Variants in ATRNL1 observed in about 807,000 individuals in gnomAD.
The protein encoded by ATRNL1 is attractin like 1.
ATRNL1 carries 95 observed loss-of-function variants against 182.7 expected under a neutral mutation model. The observed-to-expected ratio is 0.52, with a 90% CI of 0.44 to 0.62. ATRNL1 has a LOEUF of 0.62. Ranked by LOEUF, ATRNL1 falls within the 20% of genes least tolerant of loss-of-function variation. ATRNL1 has a pLI of 0.00. For missense variants in ATRNL1, 1,471 were observed against 1,679.5 expected, an observed-to-expected ratio of 0.88 and a Z score of 2.17; for synonymous variants, 576 against 568.3, an observed-to-expected ratio of 1.01 and a Z score of -0.19.
intron 24 of ATRNL1, among the ~76,000 whole-genome samples, chr10:115,502,391 A>G (rs1185387234): frequency 6.6e-6 from 1 of 152,168 alleles, no homozygotes; most frequent in East Asian, 1.9e-4. Context: ...AAAACACTTG[A>G]TATAGCAGGT....
chr10:115,674,993 T>C (rs1290899776), intron 26 of ATRNL1, among the ~76,000 whole-genome samples: 1 of 152,164 alleles, frequency 6.6e-6, no homozygotes, highest in African/African-American at 2.4e-5. Context: ...TGTTCATTTC[T>C]TTTAACTCTG....
chr10:115,212,311 T>C (rs1554895202), intron 8 of ATRNL1, among the ~76,000 whole-genome samples: 1 of 151,842 alleles, frequency 6.6e-6, no homozygotes, highest in African/African-American at 2.4e-5. Context: ...ACTTTTTTTT[T>C]TTTGCTGAGA....
At chr10:115,854,812 C>A (rs375438748) in intron 28 of ATRNL1, among the ~76,000 whole-genome samples, 3 of 152,292 alleles carry the variant, frequency 2.0e-5, no homozygotes, top group South Asian at 2.1e-4. Flanking sequence ...TAGATTTTAT[C>A]CCTGGAGCGG....
chr10:115,484,666 C>G (rs1848934574), intron 24 of ATRNL1, among the ~76,000 whole-genome samples: 1 of 151,716 alleles, frequency 6.6e-6, no homozygotes, highest in South Asian at 2.1e-4. Context: ...TGAACATAAA[C>G]TCTACACTTA....
chr10:115,341,096 T>A (rs1318551279), intron 19 of ATRNL1, among the ~76,000 whole-genome samples: 3 of 152,054 alleles, frequency 2.0e-5, no homozygotes, highest in Admixed American at 1.3e-4. Flanking sequence ...CCTTTTCTAG[T>A]TTTTAAGATG....
At chr10:115,174,853 A>G (rs1847435156) in intron 8 of ATRNL1, among the ~76,000 whole-genome samples, 1 of 151,884 alleles carries the variant, frequency 6.6e-6, no homozygotes, top group African/African-American at 2.4e-5. Flanking sequence ...AAAATTTGGC[A>G]TATAGTTTTT....
At chr10:115,642,441 T>TC (rs1555030768) in intron 26 of ATRNL1, among the ~76,000 whole-genome samples, 1 of 30,566 alleles carries the variant, frequency 3.3e-5, no homozygotes, top group African/African-American at 1.1e-4. Flanking sequence ...ATTCTAGTGC[T>TC]TTTTTTTTTC....
intron 24 of ATRNL1, among the ~76,000 whole-genome samples, chr10:115,495,766 T>C (rs1033557166): frequency 3.3e-5 from 5 of 152,086 alleles, no homozygotes; most frequent in African/African-American, 1.2e-4. Context: ...TCAGAGTATG[T>C]GCTATTTGCA....
At chr10:115,172,708 A>G (rs1847340103) in intron 8 of ATRNL1, among the ~76,000 whole-genome samples, 2 of 151,938 alleles carry the variant, frequency 1.3e-5, no homozygotes, top group Admixed American at 6.6e-5. Flanking sequence ...TGTTGAGACT[A>G]TCAGTTTTTC....
intron 25 of ATRNL1, among the ~76,000 whole-genome samples, chr10:115,533,577 A>C (rs1347358163): frequency 6.6e-6 from 1 of 151,808 alleles, no homozygotes; most frequent in African/African-American, 2.4e-5. Flanking sequence ...TAATTTTTTG[A>C]AGGGTTTTTT....
chr10:115,565,816 T>C (rs1854042748), intron 26 of ATRNL1, among the ~76,000 whole-genome samples: 1 of 152,174 alleles, frequency 6.6e-6, no homozygotes, highest in Admixed American at 6.5e-5. Context: ...TAAATTTTTC[T>C]ACTAGTATAA....
chr10:115,740,109 T>G lies in ATRNL1; in HGVS notation c.3903+12754T>G, dbSNP rs1269887517. On this transcript the variant is annotated intron_variant, in intron 27 of 28. Coordinates refer to ENST00000355044, the MANE Select transcript of ATRNL1 (RefSeq NM_207303.4). ...ATCTAAGAAACCAATAATGTTATAC[T>G]TTAGATAAACATTTTCATGTGTTCC... Among the ~76,000 whole-genome samples, 15 of 8,386 alleles carry G rather than the reference T, an allele frequency of 1.8e-3. No homozygotes were observed. The Non-Finnish European group carries it at 0.02, about 11-fold the overall frequency. 5.5% of individuals were successfully genotyped at this position (8,386 alleles called of 152,430 possible).
chr10:115,347,194 A>T (rs1306429470), intron 19 of ATRNL1, among the ~76,000 whole-genome samples: 1 of 152,172 alleles, frequency 6.6e-6, no homozygotes, highest in African/African-American at 2.4e-5. Context: ...GGCAATGAAA[A>T]ATTAAATAGA....
chr10:115,111,846 A>C (rs1168988924), intron 1 of ATRNL1, among the ~76,000 whole-genome samples: 1 of 152,200 alleles, frequency 6.6e-6, no homozygotes, highest in Non-Finnish European at 1.5e-5. Context: ...TTGTGTGGCC[A>C]TAATGGGCTA....
intron 20 of ATRNL1, among the ~76,000 whole-genome samples, chr10:115,406,122 T>C (rs1844817749): frequency 6.6e-6 from 1 of 152,042 alleles, no homozygotes; most frequent in African/African-American, 2.4e-5. Context: ...TTCCAAGTCT[T>C]TGCTATTGTG....
chr10:115,429,775 A>G (rs1003443033), intron 21 of ATRNL1, among the ~76,000 whole-genome samples: 4 of 152,194 alleles, frequency 2.6e-5, no homozygotes, highest in Middle Eastern at 3.4e-3. Flanking sequence ...AGTTTTTAAA[A>G]ATTATTTTCT....
chr10:115,810,968 G>A (rs1950033912), intron 27 of ATRNL1, among the ~76,000 whole-genome samples: 1 of 151,242 alleles, frequency 6.6e-6, no homozygotes, highest in African/African-American at 2.4e-5. Flanking sequence ...TTTTTCCTTT[G>A]TTTTTCTATT....
chr10:115,470,036 A>C (rs1444021225), intron 24 of ATRNL1, among the ~76,000 whole-genome samples: 10 of 150,566 alleles, frequency 6.6e-5, no homozygotes, highest in Non-Finnish European at 1.0e-4. Context: ...TAGCTTATAT[A>C]TATCAATCCT....
chr10:115,710,370 A>G (rs781970399), intron 26 of ATRNL1, among the ~76,000 whole-genome samples: 24 of 152,124 alleles, frequency 1.6e-4, no homozygotes, highest in Non-Finnish European at 3.1e-4. Context: ...ACTGCACTTG[A>G]ATTAATCCAA....
Sources: gnomAD v4.1 joint callset for allele counts (sites outside exome capture counted in the v4.1 genomes callset) on GRCh38, gnomAD v4.1.1 for gene constraint, MANE v1.5 for transcripts, NCBI Gene and HGNC (gene_info 2026-07-23, HGNC 2026-07-21) for gene names.